Variants in SCN10A observed in about 807,000 individuals in gnomAD.
SCN10A encodes sodium voltage-gated channel alpha subunit 10.
SCN10A carries 162 observed loss-of-function variants against 170.7 expected under a neutral mutation model. The ratio of observed to expected loss-of-function variants is 0.95; its 90% CI spans 0.84 to 1.08. The LOEUF (loss-of-function observed/expected upper bound fraction) is 1.08. Ranked by LOEUF, SCN10A falls within the 50% of genes least tolerant of loss-of-function variation. The pLI is 0.00. For missense variants in SCN10A, 2,527 were observed against 2,436.9 expected, an observed-to-expected ratio of 1.04 and a Z score of -0.78; for synonymous variants, 985 against 904.6, an observed-to-expected ratio of 1.09 and a Z score of -1.59.
rs2063414898 is a variant in SCN10A, at chr3:38,723,341, T to C, written c.3352+89A>G. 3.9e-6 allele frequency: 6 copies of C among 1,519,030 alleles called. No individual in the cohort carries two copies. The Admixed American group carries it at 1.0e-4, about 26-fold the overall frequency. 94.1% of individuals were successfully genotyped at this position (1,519,030 alleles called of 1,614,324 possible). The stretch of plus-strand genomic sequence containing the variant: ...GCAGCAAGTGGGCACAGCTTGTTTG[T>C]CTTCTGTGGATCCCAGGTGAGTGTT... On this transcript the variant is annotated intron_variant, in intron 19 of 27. Coordinates refer to ENST00000449082, the MANE Select transcript of SCN10A (RefSeq NM_006514.4).
At chr3:38,739,765 T>C in intron 14 of SCN10A, 77 bp from the exon 15 acceptor site, 1 of 1,175,638 alleles carries the variant, frequency 8.5e-7, no homozygotes, top group East Asian at 2.4e-5. Flanking sequence ...AGCAAGAAAA[T>C]GTCTTATTTA....
chr3:38,771,237 C>T (rs1349916079), intron 5 of SCN10A, 42 bp downstream of exon 5: 1 of 1,605,190 alleles, frequency 6.2e-7, no homozygotes, highest in East Asian at 2.2e-5. Context: ...ATTTTGTCCC[C>T]TCTCCTATCA....
rs368807551 is a variant in SCN10A at position 38,756,040 on chromosome 3, G to C, written c.1291-82C>G. The C allele has an allele frequency of 3.5e-5, 52 of 1,469,180 alleles. 1 individual carries two copies. In the Middle Eastern group the frequency reaches 7.7e-4, roughly 22 times the overall value. The allele number at this position is 1,469,180 out of a possible 1,614,324, so 91.0% of individuals were successfully genotyped here. ...TGTGTCCCCCAGACATGGGGTGCCA[G>C]GGGTGAGAGATCTGAAACAGAGAAG... On this transcript the variant is annotated intron_variant, in intron 10 of 27. Coordinates refer to ENST00000449082, the MANE Select transcript of SCN10A (RefSeq NM_006514.4).
chr3:38,740,284 T>C (rs991904276), intron 14 of SCN10A, among the ~76,000 whole-genome samples: 2 of 152,182 alleles, frequency 1.3e-5, no homozygotes, highest in Non-Finnish European at 2.9e-5. Context: ...TTGTCTTAAA[T>C]AGGACAGAAT....
intron 20 of SCN10A, 41 bp from the exon 21 acceptor site, chr3:38,718,867 C>T (rs1253960531): frequency 1.9e-6 from 3 of 1,597,232 alleles, no homozygotes; most frequent in African/African-American, 2.7e-5. Context: ...GCTGCCTGGA[C>T]CCACAGCACT....
chr3:38,722,216 C>G (rs760899135), intron 20 of SCN10A, 42 bp downstream of exon 20: 2 of 1,586,830 alleles, frequency 1.3e-6, no homozygotes, highest in African/African-American at 1.3e-5. Flanking sequence ...TAGGAGATTC[C>G]TATCTGGAGG....
intron 5 of SCN10A, among the ~76,000 whole-genome samples, chr3:38,764,220 T>C (rs978579979): frequency 1.3e-5 from 2 of 152,216 alleles, no homozygotes; most frequent in Admixed American, 1.3e-4. Flanking sequence ...ATGAATAAGT[T>C]CTTTATTTGT....
chr3:38,814,016 A>G (rs2064456602), intron 1 of SCN10A, among the ~76,000 whole-genome samples: 1 of 152,154 alleles, frequency 6.6e-6, no homozygotes, highest in Non-Finnish European at 1.5e-5. Flanking sequence ...ACCCTCATAA[A>G]CTCACACTCT....
At chr3:38,722,990 A>G (rs2125997888) in intron 19 of SCN10A, among the ~76,000 whole-genome samples, 1 of 152,336 alleles carries the variant, frequency 6.6e-6, no homozygotes, top group Admixed American at 6.5e-5. Context: ...TGTTCTAAAC[A>G]CTGAGAGGAA....
rs754689622 is a variant in SCN10A at position 38,698,041 on chromosome 3, C to T, written c.5179G>A (p.Val1727Met). 5.0e-6 allele frequency: 8 copies of T among 1,614,044 alleles called. No homozygotes were observed. Among genetic ancestry groups the T allele is most frequent in the African/African-American group, 2.7e-5 (2 of 74,904 alleles). ...GGCTCAGTGCTCTCCTCCGTGGCCA[C>T]ATTGAAGTTCTCCAGAATCACTGCA... ...YIAVILENFNVATEESTEPLS... is the reference protein window; with the variant it reads ...YIAVILENFNMATEESTEPLS... The change falls in exon 28 of 28, where the codon GTG becomes ATG. Residue 1727 changes from valine to methionine, a missense_variant. Transcript: ENST00000449082.
intron 4 of SCN10A, among the ~76,000 whole-genome samples, chr3:38,772,331 AAAAAAAAGAAAAG>A (rs1284991486): frequency 6.6e-6 from 1 of 151,818 alleles, no homozygotes; most frequent in East Asian, 1.9e-4. Context: ...TGAAAAAAAA[AAAAAAAAGAAAAG>A]AAAAGAAAAG....
rs959021753 is a variant in SCN10A at position 38,734,332 on chromosome 3, T to TA, written c.2280+5182dup. Among the ~76,000 whole-genome samples the TA allele has an allele frequency of 5.4e-3, 808 of 149,602 alleles. 6 individuals carry two copies. Among genetic ancestry groups the TA allele is most frequent in the African/African-American group, 0.015 (627 of 41,006 alleles). On this transcript the variant is annotated intron_variant, in intron 15 of 27. Transcript: ENST00000449082. The stretch of plus-strand genomic sequence containing the variant: ...CCACCCCACCTGGCCCCCTTGGCTT[T>TA]AAAAAAAAAATGGCATAATCTTGGA...
intron 4 of SCN10A, 67 bp downstream of exon 4, chr3:38,788,889 A>G: frequency 1.1e-6 from 1 of 946,540 alleles, no homozygotes; most frequent in Admixed American, 1.7e-5. Context: ...AAAGACAAAG[A>G]CTGCCAAGTG....
chr3:38,760,766 G>T lies in SCN10A; in HGVS notation c.884-19C>A, dbSNP rs745552413. On this transcript the variant is annotated intron_variant, in intron 7 of 27. Coordinates refer to ENST00000449082, the MANE Select transcript of SCN10A (RefSeq NM_006514.4). Reference sequence around the variant, plus strand: ...ATATCTGCTGAAGAAAGGAAGAAAAGAAAGCCTCACAGATGGTTCTGAACC... The same window carrying T: ...ATATCTGCTGAAGAAAGGAAGAAAATAAAGCCTCACAGATGGTTCTGAACC... 4 of 1,602,862 alleles carry T rather than the reference G, an allele frequency of 2.5e-6. No homozygotes were observed. The highest frequency in any genetic ancestry group is 1.7e-5 in the Admixed American group (1 of 60,010).
intron 5 of SCN10A, among the ~76,000 whole-genome samples, chr3:38,768,807 G>T (rs1316694886): frequency 1.3e-5 from 2 of 152,234 alleles, no homozygotes; most frequent in East Asian, 3.9e-4. Flanking sequence ...TTTCTAACAA[G>T]GCCAGGGAAG....
rs141120303 is a variant in SCN10A at position 38,740,386 on chromosome 3, C to G, written c.2107-698G>C. Among the ~76,000 whole-genome samples the G allele has an allele frequency of 2.2e-3, 339 of 152,328 alleles. 1 individual carries two copies. Among genetic ancestry groups the G allele is most frequent in the African/African-American group, 8.0e-3 (332 of 41,584 alleles). On this transcript the variant is annotated intron_variant, in intron 14 of 27. Transcript: ENST00000449082. ...GAAGGAGGAAAGCAACGACCAGGGT[C>G]AGGTGCTTTTCCTTCATATCTTTTT... is the stretch of plus-strand genomic sequence containing the variant.
chr3:38,747,698 C>T (rs1462056890), intron 13 of SCN10A, among the ~76,000 whole-genome samples: 1 of 152,174 alleles, frequency 6.6e-6, no homozygotes, highest in African/African-American at 2.4e-5. Flanking sequence ...CTTCTTTTGT[C>T]TTACCTACAC....
chr3:38,756,778 C>T lies in SCN10A; in HGVS notation c.1186G>A (p.Val396Ile), dbSNP rs191389107. 6.2e-7 allele frequency: 1 copy of T among 1,614,156 alleles called. No individual in the cohort carries two copies. Among genetic ancestry groups the T allele is most frequent in the Non-Finnish European group, 8.5e-7 (1 of 1,180,028 alleles). The part of the protein sequence containing the change: ...FYLVNLILAV[V>I]TMAYEEQNQA... The stretch of plus-strand genomic sequence containing the variant: ...TTCTGCTCCTCATACGCCATGGTGA[C>T]TACAGCCAAGATCAAGTTGACCAGG... The change falls in exon 10 of 28, where the codon GTC becomes ATC. Residue 396 changes from valine to isoleucine, a missense_variant. By Grantham distance (29) the Val-to-Ile change is conservative. Coordinates refer to ENST00000449082, the MANE Select transcript of SCN10A (RefSeq NM_006514.4).
intron 26 of SCN10A, among the ~76,000 whole-genome samples, chr3:38,703,244 C>G (rs567050922): frequency 3.9e-5 from 6 of 152,206 alleles, no homozygotes; most frequent in Non-Finnish European, 7.3e-5. Context: ...GGGTGAGGCT[C>G]TTGGCCATAT....
Sources: gnomAD v4.1 joint callset for allele counts (sites outside exome capture counted in the v4.1 genomes callset) on GRCh38, gnomAD v4.1.1 for gene constraint, MANE v1.5 for transcripts, NCBI Gene and HGNC (gene_info 2026-07-23, HGNC 2026-07-21) for gene names.